Variants in MILR1 observed in about 807,000 individuals in gnomAD.
MILR1 encodes the protein mast cell immunoglobulin like receptor 1, also known as allergin-1.
Under a neutral mutation model 18.5 loss-of-function variants are expected in MILR1, and 31 were observed. The observed-to-expected ratio is 1.68, with a 90% CI of 1.26 to 2.26. The LOEUF is 2.26. Among genes scored for constraint, MILR1 ranks in the 30% most tolerant of loss-of-function variants. The pLI, the probability that MILR1 is intolerant of heterozygous loss-of-function variation, is 0.00. For missense variants in MILR1, 257 were observed against 157.4 expected (o/e 1.63, Z -3.38); for synonymous variants, 85 against 56.2 (o/e 1.51, Z -2.30).
chr17:64,482,578 A>G, the MILR1 span, among the ~76,000 whole-genome samples: 2 of 152,110 alleles, frequency 1.3e-5, no homozygotes, highest in Non-Finnish European at 2.9e-5. Flanking sequence ...TTGGCCTCCC[A>G]AAGTGCTGGG....
the MILR1 span, chr17:64,485,684 A>G: frequency 0.13 from 190,118 of 1,505,064 alleles, 26,602 homozygotes; most frequent in African/African-American, 0.71. Flanking sequence ...AAACAAACCC[A>G]TATTTTTAGT....
rs991544294 is a variant in MILR1 at position 64,462,637 on chromosome 17, C to T, written c.763+1705C>T. 2.6e-3 allele frequency among the ~76,000 whole-genome samples: 397 copies of T among 150,510 alleles called. 1 individual carries two copies. Among genetic ancestry groups the T allele is most frequent in the African/African-American group, 9.3e-3 (378 of 40,462 alleles). ...TGCCATACTTTTATGGCAAAACCCACAATTACTTTTTTTTTTTTTTTGAAA... is the reference window on the plus strand; with the variant it reads ...TGCCATACTTTTATGGCAAAACCCATAATTACTTTTTTTTTTTTTTTGAAA... On this transcript the variant is annotated intron_variant, in intron 5 of 9. Transcript: ENST00000619286.
the MILR1 span, among the ~76,000 whole-genome samples, chr17:64,482,278 A>G: frequency 6.9e-6 from 1 of 145,232 alleles, no homozygotes; most frequent in African/African-American, 2.6e-5. Flanking sequence ...TAATTTTTGT[A>G]TTTTCAGTAG....
chr17:64,468,961 C>T (rs2037643420), downstream of MILR1, among the ~76,000 whole-genome samples: 1 of 151,954 alleles, frequency 6.6e-6, no homozygotes, highest in Non-Finnish European at 1.5e-5. Context: ...GTGGCGGGCA[C>T]TTGTAATTCC....
At chr17:64,464,860 G>T (rs1205342833) in intron 5 of MILR1, among the ~76,000 whole-genome samples, 3 of 152,228 alleles carry the variant, frequency 2.0e-5, no homozygotes, top group African/African-American at 7.2e-5. Flanking sequence ...GGATGCGGAG[G>T]TTGCGGTGAG....
chr17:64,493,005 A>G, the MILR1 span: 2 of 1,614,052 alleles, frequency 1.2e-6, no homozygotes, highest in Non-Finnish European at 1.7e-6. Flanking sequence ...GGCAATTAAC[A>G]TAGTGTTCCA....
At chr17:64,462,068 G>A (rs1485986335) in intron 5 of MILR1, among the ~76,000 whole-genome samples, 5 of 152,172 alleles carry the variant, frequency 3.3e-5, no homozygotes, top group East Asian at 1.9e-4. Context: ...TGCTAGGAAC[G>A]TGGGTGTGAA....
At chr17:64,459,638 C>T (rs1017996532) in intron 4 of MILR1, among the ~76,000 whole-genome samples, 1 of 152,150 alleles carries the variant, frequency 6.6e-6, no homozygotes, top group Middle Eastern at 3.2e-3. Context: ...CATTCACTGG[C>T]TGTGTGACCT....
the MILR1 span, among the ~76,000 whole-genome samples, chr17:64,484,526 T>C: frequency 3.3e-5 from 5 of 152,122 alleles, no homozygotes; most frequent in African/African-American, 4.8e-5. Context: ...CAACACAACA[T>C]GCACCTTTTA....
Position 64,452,149 on chromosome 17 carries a change from G to A in MILR1, c.98-448G>A, listed in dbSNP as rs889442561. Among the ~76,000 whole-genome samples, 339 of 150,752 alleles carry A rather than the reference G, an allele frequency of 2.2e-3. 5 individuals are homozygous for A. Among genetic ancestry groups the A allele is most frequent in the Non-Finnish European group, 4.0e-4 (27 of 67,832 alleles). ...AGACGAGGTCTCACTTGTTGCCCAG[G>A]CTGTTCTCGAACTCCTGACCTCAAG... On this transcript the variant is annotated intron_variant, in intron 2 of 9. Coordinates refer to ENST00000619286, the MANE Select transcript of MILR1 (RefSeq NM_001085423.2).
the MILR1 span, among the ~76,000 whole-genome samples, chr17:64,495,542 A>G: frequency 6.6e-6 from 1 of 152,162 alleles, no homozygotes; most frequent in Non-Finnish European, 1.5e-5. Context: ...ACACCACTGC[A>G]CTCGAGTCTG....
the MILR1 span, chr17:64,491,054 G>T: frequency 9.4e-7 from 1 of 1,062,422 alleles, no homozygotes; most frequent in Non-Finnish European, 1.5e-6. Context: ...AATTTAAATT[G>T]TCCGATACTT....
At chr17:64,464,734 C>T (rs1388182208) in intron 5 of MILR1, among the ~76,000 whole-genome samples, 2 of 152,096 alleles carry the variant, frequency 1.3e-5, no homozygotes, top group African/African-American at 4.8e-5. Context: ...ACCAGCCTGG[C>T]TAACATGGTG....
At chr17:64,486,454 C>T in the MILR1 span, among the ~76,000 whole-genome samples, 188 of 151,932 alleles carry the variant, frequency 1.2e-3, no homozygotes, top group Non-Finnish European at 2.0e-3. Context: ...CTCTGCCACC[C>T]GGGTTCAAGT....
At chr17:64,496,083 G>A in the MILR1 span, among the ~76,000 whole-genome samples, 1 of 152,206 alleles carries the variant, frequency 6.6e-6, no homozygotes, top group Non-Finnish European at 1.5e-5. Context: ...ATAAATCTAA[G>A]AAAAGTTCAA....
At chr17:64,482,960 C>T in the MILR1 span, 1 of 1,608,028 alleles carries the variant, frequency 6.2e-7, no homozygotes, top group Non-Finnish European at 8.5e-7. Context: ...ACATCCAAAG[C>T]AACCTTAATA....
intron 5 of MILR1, among the ~76,000 whole-genome samples, chr17:64,461,551 A>G (rs2037433084): frequency 6.6e-6 from 1 of 152,088 alleles, no homozygotes; most frequent in African/African-American, 2.4e-5. Flanking sequence ...TCCCGGCTGC[A>G]TCTTGAAATT....
chr17:64,455,640 T>G (rs2037278427), intron 3 of MILR1, among the ~76,000 whole-genome samples: 4 of 151,260 alleles, frequency 2.6e-5, no homozygotes, highest in Non-Finnish European at 5.9e-5. Context: ...TTTTGTATTT[T>G]TAGTAGAGAC....
At chr17:64,467,484 C>T (rs1039048784) in intron 8 of MILR1, 81 bp from the exon 9 acceptor site, 2 of 811,622 alleles carry the variant, frequency 2.5e-6, no homozygotes, top group African/African-American at 3.5e-5. Flanking sequence ...TCAGGCCACC[C>T]AGCTACTAGA....
Sources: gnomAD v4.1 joint callset for allele counts (sites outside exome capture counted in the v4.1 genomes callset) on GRCh38, gnomAD v4.1.1 for gene constraint, MANE v1.5 for transcripts, NCBI Gene and HGNC (gene_info 2026-07-23, HGNC 2026-07-21) for gene names.